MAF: variants seen among roughly 807,000 people sequenced by gnomAD.
The protein encoded by MAF is MAF bZIP transcription factor, also known as transcription factor Maf.
In MAF, 10 loss-of-function variants were observed where a neutral mutation model predicts 22.0. That is an observed-to-expected ratio of 0.45 (90% CI 0.28 to 0.77). The LOEUF is 0.77. Ranked by LOEUF, MAF falls within the 30% of genes least tolerant of loss-of-function variation. The pLI, the probability that MAF is intolerant of heterozygous loss-of-function variation, is 0.12. For synonymous variants in MAF, 337 were observed against 255.8 expected, an observed-to-expected ratio of 1.32 and a Z score of -3.03; for missense variants, 544 against 548.4, an observed-to-expected ratio of 0.99 and a Z score of 0.08.
chr16:79,497,248 G>C, the MAF span, among the ~76,000 whole-genome samples: 8 of 151,926 alleles, frequency 5.3e-5, no homozygotes. Flanking sequence ...CAATAATACA[G>C]AAGAAAAAAA....
Position 79,594,129 on chromosome 16 carries a change from T to A in MAF, c.*331A>T, listed in dbSNP as rs543876344. The A allele has an allele frequency of 3.2e-6, 1 of 314,324 alleles. No individual in the cohort carries two copies. Among genetic ancestry groups the A allele is most frequent in the East Asian group, 4.7e-5 (1 of 21,346 alleles). 19.5% of individuals were successfully genotyped at this position (314,324 alleles called of 1,614,324 possible). The stretch of plus-strand genomic sequence containing the variant: ...GATTTTAAAATGCTAATTGTTGCAT[T>A]CCGGGAAACTTTCCATTATATATAT... On this transcript the variant is annotated 3_prime_UTR_variant, in exon 2 of 2. Coordinates refer to ENST00000326043, the MANE Select transcript of MAF (RefSeq NM_005360.5).
chr16:79,442,789 G>A, the MAF span, among the ~76,000 whole-genome samples: 1 of 152,232 alleles, frequency 6.6e-6, no homozygotes, highest in Non-Finnish European at 1.5e-5. Flanking sequence ...ACAAGAAGGT[G>A]TGAGAGACAC....
the MAF span, among the ~76,000 whole-genome samples, chr16:79,220,177 G>T: frequency 6.9e-6 from 1 of 144,414 alleles, no homozygotes; most frequent in Non-Finnish European, 1.5e-5. Context: ...AATTGCTTGA[G>T]CCCAGGAGGT....
chr16:79,543,342 G>T, the MAF span, among the ~76,000 whole-genome samples: 2 of 152,162 alleles, frequency 1.3e-5, no homozygotes, highest in African/African-American at 4.8e-5. Context: ...CCATGACCCT[G>T]GTCAAGTGCC....
At chr16:79,218,898 C>T in the MAF span, among the ~76,000 whole-genome samples, 3 of 152,146 alleles carry the variant, frequency 2.0e-5, no homozygotes, top group African/African-American at 7.2e-5. Context: ...CATCTGAATG[C>T]AGTGCAAAGC....
At chr16:79,354,801 G>A in the MAF span, among the ~76,000 whole-genome samples, 1 of 152,130 alleles carries the variant, frequency 6.6e-6, no homozygotes, top group Non-Finnish European at 1.5e-5. Context: ...AAATGATAAA[G>A]CTGTCTCAAA....
chr16:79,209,171 G>C, the MAF span, among the ~76,000 whole-genome samples: 4,188 of 152,278 alleles, frequency 0.028, 214 homozygotes, highest in African/African-American at 0.096. Context: ...ATGGCTCTCA[G>C]CATTGTAGCC....
chr16:79,504,170 C>T, the MAF span, among the ~76,000 whole-genome samples: 1 of 152,124 alleles, frequency 6.6e-6, no homozygotes, highest in Non-Finnish European at 1.5e-5. Context: ...TATGCTGTAG[C>T]CTGAGTTTAA....
At chr16:79,423,167 T>C in the MAF span, among the ~76,000 whole-genome samples, 32 of 152,314 alleles carry the variant, frequency 2.1e-4, no homozygotes, top group African/African-American at 7.7e-4. Flanking sequence ...ATATCCCAAA[T>C]ATTGCATAGG....
the MAF span, among the ~76,000 whole-genome samples, chr16:79,397,264 C>T: frequency 6.6e-6 from 1 of 152,094 alleles, no homozygotes; most frequent in Non-Finnish European, 1.5e-5. Context: ...GGTTTTCTTG[C>T]CCAAGAGGGG....
the MAF span, among the ~76,000 whole-genome samples, chr16:79,446,714 C>G: frequency 6.6e-6 from 1 of 150,958 alleles, no homozygotes; most frequent in Non-Finnish European, 1.5e-5. Context: ...AAGTTCAAGA[C>G]CAGCCTGGGC....
the MAF span, among the ~76,000 whole-genome samples, chr16:79,215,770 C>T: frequency 6.6e-6 from 1 of 152,322 alleles, no homozygotes; most frequent in African/African-American, 2.4e-5. Context: ...TTAAAGTAAA[C>T]CCCTCCACAG....
At chr16:79,353,728 G>T in the MAF span, among the ~76,000 whole-genome samples, 4 of 152,218 alleles carry the variant, frequency 2.6e-5, no homozygotes, top group South Asian at 8.3e-4. Context: ...TTGGCTAATA[G>T]TATACAGTCT....
At chr16:79,374,231 C>A in the MAF span, among the ~76,000 whole-genome samples, 2 of 152,146 alleles carry the variant, frequency 1.3e-5, no homozygotes, top group Non-Finnish European at 2.9e-5. Flanking sequence ...ATTATCATAT[C>A]TTTCCTGCAT....
At chr16:79,542,443 G>C in the MAF span, among the ~76,000 whole-genome samples, 2 of 152,180 alleles carry the variant, frequency 1.3e-5, no homozygotes, top group Non-Finnish European at 2.9e-5. Flanking sequence ...CAAGCAACAG[G>C]GGTCAGTGGC....
the MAF span, among the ~76,000 whole-genome samples, chr16:79,391,096 C>T: frequency 5.5e-4 from 83 of 152,228 alleles, no homozygotes; most frequent in Non-Finnish European, 9.3e-4. Flanking sequence ...GCACCTTGTT[C>T]CATCATCATA....
the MAF span, among the ~76,000 whole-genome samples, chr16:79,464,754 G>A: frequency 1.3e-5 from 2 of 152,174 alleles, no homozygotes; most frequent in African/African-American, 2.4e-5. Flanking sequence ...GGTCAAGGTC[G>A]ATTCCCAAAA....
At chr16:79,485,754 C>T in the MAF span, among the ~76,000 whole-genome samples, 1 of 152,052 alleles carries the variant, frequency 6.6e-6, no homozygotes, top group African/African-American at 2.4e-5. Flanking sequence ...TCCTTCTGTC[C>T]AAAAGATTTA....
the MAF span, among the ~76,000 whole-genome samples, chr16:79,320,688 G>A: frequency 1.7e-3 from 256 of 152,256 alleles, no homozygotes; most frequent in East Asian, 0.027. Context: ...GGGAAAAATG[G>A]GACTTTTAAC....
Sources: allele counts gnomAD v4.1 joint callset (sites outside exome capture counted in the v4.1 genomes callset), GRCh38; gene constraint gnomAD v4.1.1; transcripts MANE v1.5; gene names NCBI Gene and HGNC (gene_info 2026-07-23, HGNC 2026-07-21).